Variants in CSMD1 observed in about 807,000 individuals in gnomAD.
The protein encoded by CSMD1 is CUB and sushi domain-containing protein 1.
Under a neutral mutation model 417.5 loss-of-function variants are expected in CSMD1, and 213 were observed. The ratio of observed to expected loss-of-function variants is 0.51; its 90% CI spans 0.46 to 0.57. The LOEUF (loss-of-function observed/expected upper bound fraction) is 0.57, where lower values mean the gene tolerates loss of function less well. CSMD1 is among the 20% of genes least tolerant of loss of function. The pLI is 0.00. For synonymous variants in CSMD1, 2,862 were observed against 1,736.8 expected (o/e 1.65, Z -16.11); for missense variants, 6,923 against 4,529.7 (o/e 1.53, Z -15.17).
chr8:2,958,786 CTT>C (rs1428452487), intron 62 of CSMD1, among the ~76,000 whole-genome samples: 11 of 152,234 alleles, frequency 7.2e-5, no homozygotes, highest in African/African-American at 2.7e-4. Flanking sequence ...GAATTCCCCT[CTT>C]GTTTCTTGCT....
At chr8:4,100,384 C>A (rs185131405) in intron 3 of CSMD1, among the ~76,000 whole-genome samples, 1 of 152,190 alleles carries the variant, frequency 6.6e-6, no homozygotes, top group African/African-American at 2.4e-5. Flanking sequence ...TCTCCTTCCA[C>A]CTTCCCTGTG....
At chr8:3,600,321 G>T (rs1177434947) in intron 8 of CSMD1, among the ~76,000 whole-genome samples, 1 of 152,200 alleles carries the variant, frequency 6.6e-6, no homozygotes, top group African/African-American at 2.4e-5. Flanking sequence ...TGCTGTTGAA[G>T]GGTGGAGTGG....
chr8:4,364,660 T>TA (rs1801965185), intron 3 of CSMD1, among the ~76,000 whole-genome samples: 1 of 59,958 alleles, frequency 1.7e-5, no homozygotes, highest in Non-Finnish European at 2.8e-5. Flanking sequence ...CCGTCTCTAC[T>TA]AAAAATACAA....
intron 3 of CSMD1, among the ~76,000 whole-genome samples, chr8:4,051,907 CCTTCCTTTCTTTCTTTTT>C (rs1330050270): frequency 7.6e-6 from 1 of 131,426 alleles, no homozygotes; most frequent in African/African-American, 2.8e-5. Context: ...TTCCTTCCTT[CCTTCCTTTCTTTCTTTTT>C]CTTTCTTTCT....
At chr8:4,057,688 T>C (rs1266795737) in intron 3 of CSMD1, among the ~76,000 whole-genome samples, 2 of 151,792 alleles carry the variant, frequency 1.3e-5, no homozygotes, top group East Asian at 1.9e-4. Context: ...AAGTCTTTAA[T>C]CTATCTTGAA....
At chr8:4,025,001 C>T (rs1796989231) in intron 4 of CSMD1, among the ~76,000 whole-genome samples, 1 of 152,160 alleles carries the variant, frequency 6.6e-6, no homozygotes, top group Admixed American at 6.5e-5. Context: ...GTTTAAACGG[C>T]CTGATGCCTT....
At chr8:3,124,503 A>G (rs1022090801) in intron 41 of CSMD1, among the ~76,000 whole-genome samples, 2 of 152,218 alleles carry the variant, frequency 1.3e-5, no homozygotes, top group African/African-American at 4.8e-5. Flanking sequence ...CAAGAAAGGC[A>G]GGCTTTTCAG....
At chr8:4,183,257 C>T (rs1407984526) in intron 3 of CSMD1, among the ~76,000 whole-genome samples, 1 of 152,030 alleles carries the variant, frequency 6.6e-6, no homozygotes, top group East Asian at 1.9e-4. Flanking sequence ...TTGCAGTAGA[C>T]TGAAAATTTA....
At chr8:4,227,417 A>T (rs73658494) in intron 3 of CSMD1, among the ~76,000 whole-genome samples, 1 of 152,122 alleles carries the variant, frequency 6.6e-6, no homozygotes, top group African/African-American at 2.4e-5. Context: ...GTCTTCCATT[A>T]TAAGAACCCT....
chr8:3,866,613 C>A (rs548823358), intron 5 of CSMD1, among the ~76,000 whole-genome samples: 2 of 151,780 alleles, frequency 1.3e-5, no homozygotes, highest in Non-Finnish European at 2.9e-5. Context: ...TCTTTCCATC[C>A]CTCAAACCCA....
chr8:3,521,953 C>T lies in CSMD1; in HGVS notation c.1345-28227G>A, dbSNP rs185898976. Among the ~76,000 whole-genome samples the T allele has an allele frequency of 1.8e-3, 276 of 152,264 alleles. 2 individuals are homozygous for T. The highest frequency in any genetic ancestry group is 5.8e-3 in the Admixed American group (89 of 15,290). On this transcript the variant is annotated intron_variant, in intron 10 of 69. Transcript: ENST00000635120. ...CATATTCATCACATATTGGAAAGTA[C>T]AAAAATGCAATTAACAAAACTTTCA...
At chr8:3,720,122 G>C (rs1387321902) in intron 6 of CSMD1, among the ~76,000 whole-genome samples, 1 of 152,200 alleles carries the variant, frequency 6.6e-6, no homozygotes, top group Non-Finnish European at 1.5e-5. Flanking sequence ...GAATGTTAAT[G>C]CAACTCTTTA....
chr8:4,274,225 C>T (rs1271989357), intron 3 of CSMD1, among the ~76,000 whole-genome samples: 1 of 152,212 alleles, frequency 6.6e-6, no homozygotes, highest in East Asian at 1.9e-4. Context: ...AAAGTCCAGG[C>T]CTCTGAAATA....
At chr8:4,585,035 A>T (rs994091056) in intron 2 of CSMD1, among the ~76,000 whole-genome samples, 18 of 152,018 alleles carry the variant, frequency 1.2e-4, no homozygotes, top group African/African-American at 4.3e-4. Context: ...CATACAAAAG[A>T]TTCTATATTT....
At chr8:3,549,755 A>G (rs542760641) in intron 10 of CSMD1, among the ~76,000 whole-genome samples, 4 of 152,238 alleles carry the variant, frequency 2.6e-5, no homozygotes, top group South Asian at 2.1e-4. Flanking sequence ...CCCCAGATAC[A>G]GTTCCTTGAC....
At chr8:4,009,011 G>A (rs539582198) in intron 4 of CSMD1, among the ~76,000 whole-genome samples, 2 of 152,116 alleles carry the variant, frequency 1.3e-5, no homozygotes, top group East Asian at 3.9e-4. Flanking sequence ...TGCCCATACC[G>A]AATTTCCATC....
intron 1 of CSMD1, among the ~76,000 whole-genome samples, chr8:4,750,918 T>C (rs1276809464): frequency 6.6e-6 from 1 of 152,180 alleles, no homozygotes; most frequent in Non-Finnish European, 1.5e-5. Context: ...TTTGGATAGC[T>C]CCATTGCCTG....
chr8:4,749,376 G>C (rs983232765), intron 1 of CSMD1, among the ~76,000 whole-genome samples: 2 of 152,210 alleles, frequency 1.3e-5, no homozygotes, highest in African/African-American at 4.8e-5. Context: ...TAGTTGCTAA[G>C]CGGTCCTTGA....
intron 5 of CSMD1, among the ~76,000 whole-genome samples, chr8:3,957,420 G>C (rs866369506): frequency 6.6e-6 from 1 of 152,188 alleles, no homozygotes; most frequent in African/African-American, 2.4e-5. Flanking sequence ...GCTCCCACCT[G>C]TAAACCCAGC....
Sources: gnomAD v4.1 joint callset for allele counts (sites outside exome capture counted in the v4.1 genomes callset) on GRCh38, gnomAD v4.1.1 for gene constraint, MANE v1.5 for transcripts, NCBI Gene and HGNC (gene_info 2026-07-23, HGNC 2026-07-21) for gene names.